Variants in PIK3C2B observed in about 807,000 individuals in gnomAD.
PIK3C2B encodes phosphatidylinositol 4-phosphate 3-kinase C2 domain-containing subunit beta.
In PIK3C2B, 83 loss-of-function variants were observed where a neutral mutation model predicts 184.3. The ratio of observed to expected loss-of-function variants is 0.45; its 90% confidence interval spans 0.38 to 0.54. PIK3C2B has a LOEUF of 0.54. Among genes scored for constraint, PIK3C2B ranks in the 20% least tolerant of loss-of-function variants. The pLI is 0.00. For missense variants in PIK3C2B, 1,736 were observed against 2,113.5 expected (o/e 0.82, Z 3.50); for synonymous variants, 779 against 837.6 (o/e 0.93, Z 1.21).
rs144026111 is a variant in PIK3C2B at position 204,468,948 on chromosome 1, G to A, written c.855C>T (p.Pro285=). 1.2e-6 allele frequency: 2 copies of A among 1,614,008 alleles called. No homozygotes were observed. The highest frequency in any genetic ancestry group is 1.7e-5 in the Admixed American group (1 of 60,002). Residue 285 remains proline, a synonymous_variant, in exon 2 of 33, where the codon CCC becomes CCT. Coordinates refer to ENST00000684373, the MANE Select transcript of PIK3C2B (RefSeq NM_001377334.1). The part of the protein sequence containing the change: ...ARSKTMPPQV[P]PRTYASRYGN... ...CATAGCGGGAGGCATAGGTGCGGGG[G>A]GGCACCTGAGGGGGCATAGTCTTGC...
At chr1:204,489,122 C>T (rs1657831659) in intron 1 of PIK3C2B, among the ~76,000 whole-genome samples, 1 of 151,994 alleles carries the variant, frequency 6.6e-6, no homozygotes, top group Non-Finnish European at 1.5e-5. Flanking sequence ...AATTTTGGCT[C>T]CTCTCAAGTT....
At chr1:204,487,647 A>C (rs1009405963) in intron 1 of PIK3C2B, among the ~76,000 whole-genome samples, 3 of 152,196 alleles carry the variant, frequency 2.0e-5, no homozygotes, top group African/African-American at 7.2e-5. Flanking sequence ...TCTTAAGTTT[A>C]GAGATCTCCA....
intron 5 of PIK3C2B, among the ~76,000 whole-genome samples, chr1:204,461,411 G>C (rs1655327603): frequency 6.6e-6 from 1 of 152,150 alleles, no homozygotes; most frequent in African/African-American, 2.4e-5. Context: ...AAACCCAAGA[G>C]GAGGGGCAGA....
In PIK3C2B at chr1:204,494,079, G is replaced by T. The variant is rs1284600808; in HGVS notation, c.-85+277C>A. Among the ~76,000 whole-genome samples the T allele has an allele frequency of 3.9e-5, 6 of 152,236 alleles. 1 individual carries two copies. Among genetic ancestry groups the T allele is most frequent in the Admixed American group, 2.6e-4 (4 of 15,280 alleles). On this transcript the variant is annotated intron_variant, in intron 1 of 32. Coordinates refer to ENST00000684373, the MANE Select transcript of PIK3C2B (RefSeq NM_001377334.1). ...GCCAGGAAGTGTGTTTAGCGAGAAG[G>T]GGGTGGGGACGCGGGTGCCTGGAGC... is the stretch of plus-strand genomic sequence containing the variant.
chr1:204,479,739 A>G (rs1656985564), intron 1 of PIK3C2B, among the ~76,000 whole-genome samples: 1 of 152,090 alleles, frequency 6.6e-6, no homozygotes, highest in African/African-American at 2.4e-5. Context: ...GATTGTCACC[A>G]CTGTCACCTC....
rs746261092 is a variant in PIK3C2B at position 204,469,465 on chromosome 1, G to A, written c.338C>T (p.Pro113Leu). 6 of 1,600,390 alleles carry A rather than the reference G, an allele frequency of 3.7e-6. No homozygotes were observed. Among genetic ancestry groups the A allele is most frequent in the African/African-American group, 1.3e-5 (1 of 74,632 alleles). The part of the protein sequence containing the change: ...PNHSTSQGPQ[P>L]GSDPWPKGSL... ...GCCTTTGGGCCAGGGATCTGAGCCA[G>A]GCTGTGGCCCTTGGGAGGTAGAGTG... is the stretch of plus-strand genomic sequence containing the variant. Residue 113 changes from proline to leucine, a missense_variant, in exon 2 of 33, where the codon CCT becomes CTT. Transcript: ENST00000684373.
chr1:204,487,083 G>T (rs993526540), intron 1 of PIK3C2B, among the ~76,000 whole-genome samples: 6 of 152,114 alleles, frequency 3.9e-5, no homozygotes, highest in Non-Finnish European at 8.8e-5. Context: ...GCTGGTACAG[G>T]CGTGAGCCAC....
At chr1:204,466,642 AAGAG>A (rs1655821092) in intron 2 of PIK3C2B, 1 of 379,374 alleles carries the variant, frequency 2.6e-6, no homozygotes, top group South Asian at 2.2e-5. Context: ...GAAAAAGAGA[AAGAG>A]AGAGAGACAG....
intron 16 of PIK3C2B, among the ~76,000 whole-genome samples, chr1:204,445,165 A>G (rs1653739892): frequency 6.6e-6 from 1 of 152,040 alleles, no homozygotes; most frequent in South Asian, 2.1e-4. Flanking sequence ...ATGTACAGGT[A>G]AACTTTGGGT....
intron 27 of PIK3C2B, 116 bp downstream of exon 27, chr1:204,432,084 A>G (rs1169506368): frequency 1.1e-6 from 1 of 941,960 alleles, no homozygotes; most frequent in Non-Finnish European, 1.7e-6. Flanking sequence ...TGCTCCCAGC[A>G]CAGGACGCTC....
chr1:204,460,647 C>T lies in PIK3C2B; in HGVS notation c.1325G>A (p.Gly442Asp). 2 of 1,609,584 alleles carry T rather than the reference C, an allele frequency of 1.2e-6. No individual in the cohort carries two copies. The highest frequency in any genetic ancestry group is 1.7e-6 in the Non-Finnish European group (2 of 1,175,912). The change falls in exon 6 of 33, where the codon GGC becomes GAC. Residue 442 changes from glycine to aspartate, a missense_variant. By Grantham distance (94) the Gly-to-Asp change is moderately conservative (BLOSUM62 -1). Around this residue, in one of 8 missense-constraint regions of PIK3C2B, gnomAD observed 609 missense variants for 699.2 expected, o/e 0.87. Coordinates refer to ENST00000684373, the MANE Select transcript of PIK3C2B (RefSeq NM_001377334.1). Reference protein sequence around the residue: ...EEFLQNKHALGSHEYIQYCRK... With the variant: ...EEFLQNKHALDSHEYIQYCRK... ...GCAGTATTGGATGTACTCATGACTG[C>T]CCAAGGCATGCTTGCTGGTAGGGTA...
chr1:204,445,560 C>A (rs1337763870), intron 16 of PIK3C2B, among the ~76,000 whole-genome samples: 1 of 150,296 alleles, frequency 6.7e-6, no homozygotes, highest in Admixed American at 6.6e-5. Flanking sequence ...CATATGCATG[C>A]CACTGCACTC....
Position 204,464,484 on chromosome 1 carries a change from G to A in PIK3C2B, c.1155C>T (p.Asp385=), listed in dbSNP as rs770889108. Residue 385 remains aspartate, a synonymous_variant, in exon 4 of 33, where the codon GAC becomes GAT. Transcript: ENST00000684373. Reference sequence around the variant, plus strand: ...TGAAAGTGAGTGCCTCTTGAAGCCTGTCACACAACACAGTCACCTTCAGGT... The same window carrying A: ...TGAAAGTGAGTGCCTCTTGAAGCCTATCACACAACACAGTCACCTTCAGGT... The part of the protein sequence containing the change: ...EVNLKVTVLC[D]RLQEALTFTC... 32 of 1,613,608 alleles carry A rather than the reference G, an allele frequency of 2.0e-5. No individual in the cohort carries two copies. Among genetic ancestry groups the A allele is most frequent in the Non-Finnish European group, 2.5e-5 (30 of 1,179,812 alleles).
At chr1:204,475,861 G>A (rs542651232) in intron 1 of PIK3C2B, among the ~76,000 whole-genome samples, 1 of 152,238 alleles carries the variant, frequency 6.6e-6, no homozygotes, top group East Asian at 1.9e-4. Context: ...CCACTAGACT[G>A]TCTCAGCCAC....
In PIK3C2B at chr1:204,432,279, T is replaced by C. The variant is rs371992900; in HGVS notation, c.4076A>G (p.His1359Arg). 4.3e-6 allele frequency: 7 copies of C among 1,613,864 alleles called. No homozygotes were observed. The African/African-American group carries it at 9.4e-5, about 22-fold the overall frequency. ...RLTLSFASRT[H>R]TLKSSGRISD... ...GATTCGGCCAGAGCTCTTGAGAGTGTGTGTTCGGGAGGCAAAGGAGAGGGT... is the reference window on the plus strand; with the variant it reads ...GATTCGGCCAGAGCTCTTGAGAGTGCGTGTTCGGGAGGCAAAGGAGAGGGT... The change falls in exon 27 of 33, where the codon CAC (histidine) becomes CGC (arginine). Residue 1359 changes from histidine (H) to arginine (R), a missense_variant. By Grantham distance (29) the His-to-Arg change is conservative. Coordinates refer to ENST00000684373, the MANE Select transcript of PIK3C2B (RefSeq NM_001377334.1).
At chr1:204,466,005 C>G (rs2103511276) in intron 2 of PIK3C2B, among the ~76,000 whole-genome samples, 1 of 152,370 alleles carries the variant, frequency 6.6e-6, no homozygotes, top group South Asian at 2.1e-4. Context: ...CTTGGCCCCA[C>G]TTCCTCTCTC....
chr1:204,425,140 TC>T, intron 32 of PIK3C2B, 100 bp from the exon 33 acceptor site: 1 of 942,422 alleles, frequency 1.1e-6, no homozygotes, highest in Non-Finnish European at 1.6e-6. Flanking sequence ...TGGGGGCTGA[TC>T]CAGCTGAGGC....
chr1:204,431,548 A>C, intron 28 of PIK3C2B, 121 bp downstream of exon 28: 1 of 1,252,826 alleles, frequency 8.0e-7, no homozygotes, highest in Non-Finnish European at 1.2e-6. Context: ...GGCCAAGCAA[A>C]GCAGGCAGAT....
intron 1 of PIK3C2B, among the ~76,000 whole-genome samples, chr1:204,492,342 G>A (rs1374266304): frequency 6.6e-6 from 1 of 152,066 alleles, no homozygotes; most frequent in African/African-American, 2.4e-5. Flanking sequence ...TAAAAAGAAA[G>A]TCACACCAAG....
Sources: gnomAD v4.1 joint callset for allele counts (sites outside exome capture counted in the v4.1 genomes callset) on GRCh38, gnomAD v4.1.1 for gene constraint, gnomAD v4.1.1 regional missense constraint, MANE v1.5 for transcripts, NCBI Gene and HGNC (gene_info 2026-07-23, HGNC 2026-07-21) for gene names.